Variants in PDE1A observed in about 807,000 individuals in gnomAD.
PDE1A encodes the protein phosphodiesterase 1A.
In PDE1A, 35 loss-of-function variants were observed where a neutral mutation model predicts 61.7. That is an observed-to-expected ratio of 0.57 (90% CI 0.43 to 0.75). The LOEUF (loss-of-function observed/expected upper bound fraction) is 0.75, where lower values mean the gene tolerates loss of function less well. Ranked by LOEUF, PDE1A falls within the 30% of genes least tolerant of loss-of-function variation. PDE1A has a pLI of 0.00. For synonymous variants in PDE1A, 232 were observed against 213.2 expected, an observed-to-expected ratio of 1.09 and a Z score of -0.77; for missense variants, 597 against 630.6, an observed-to-expected ratio of 0.95 and a Z score of 0.57.
intron 1 of PDE1A, among the ~76,000 whole-genome samples, chr2:182,413,891 G>C (rs920472858): frequency 6.6e-6 from 1 of 152,114 alleles, no homozygotes; most frequent in Admixed American, 6.6e-5. Context: ...AAGGGACAAG[G>C]TTTGGAGAGA....
At chr2:182,331,137 G>C (rs1264646312) in intron 1 of PDE1A, among the ~76,000 whole-genome samples, 2 of 152,174 alleles carry the variant, frequency 1.3e-5, no homozygotes, top group Non-Finnish European at 2.9e-5. Flanking sequence ...GGCATAGAGA[G>C]GCTTAGTCAC....
chr2:182,416,092 G>A (rs1702899325), intron 1 of PDE1A, among the ~76,000 whole-genome samples: 1 of 152,100 alleles, frequency 6.6e-6, no homozygotes, highest in Non-Finnish European at 1.5e-5. Flanking sequence ...TATGAAATGG[G>A]GAGCTATATG....
At chr2:182,277,523 C>A (rs1574230885) in intron 1 of PDE1A, among the ~76,000 whole-genome samples, 2 of 152,110 alleles carry the variant, frequency 1.3e-5, no homozygotes, top group Admixed American at 6.6e-5. Flanking sequence ...GAATTCTCCA[C>A]CTAGTTGGGC....
At chr2:182,506,305 G>A (rs1006355559) in intron 2 of PDE1A, among the ~76,000 whole-genome samples, 2 of 151,972 alleles carry the variant, frequency 1.3e-5, no homozygotes, top group African/African-American at 2.4e-5. Flanking sequence ...AATACCGTTT[G>A]TCTTTACAAC....
intron 13 of PDE1A, among the ~76,000 whole-genome samples, chr2:182,158,024 T>A (rs950080565): frequency 6.6e-6 from 1 of 152,184 alleles, no homozygotes; most frequent in African/African-American, 2.4e-5. Flanking sequence ...GTTATTTCTT[T>A]CTCTGCTATG....
chr2:182,386,884 C>A (rs1200810340), intron 1 of PDE1A, among the ~76,000 whole-genome samples: 1 of 152,144 alleles, frequency 6.6e-6, no homozygotes, highest in Non-Finnish European at 1.5e-5. Context: ...AGGTGAGGAG[C>A]CCCTCTGCCC....
chr2:182,648,550 G>C, the PDE1A span, among the ~76,000 whole-genome samples: 2 of 134,274 alleles, frequency 1.5e-5, no homozygotes, highest in Non-Finnish European at 3.2e-5. Flanking sequence ...AAAATTACCT[G>C]GATGTAGTGG....
chr2:182,671,484 G>C, the PDE1A span, among the ~76,000 whole-genome samples: 1 of 151,140 alleles, frequency 6.6e-6, no homozygotes, highest in African/African-American at 2.4e-5. Flanking sequence ...CACCACACCC[G>C]GCCTGGATCA....
At chr2:182,218,516 A>T (rs903568080) in intron 7 of PDE1A, among the ~76,000 whole-genome samples, 7 of 152,082 alleles carry the variant, frequency 4.6e-5, no homozygotes. Flanking sequence ...TATTTATCCC[A>T]TCTAACTGAA....
chr2:182,642,545 T>C, the PDE1A span, among the ~76,000 whole-genome samples: 1 of 152,102 alleles, frequency 6.6e-6, no homozygotes, highest in African/African-American at 2.4e-5. Context: ...CTCTGATTGG[T>C]CAGGCCTGGA....
At chr2:182,511,883 C>G (rs1394760987) in intron 2 of PDE1A, among the ~76,000 whole-genome samples, 1 of 152,176 alleles carries the variant, frequency 6.6e-6, no homozygotes, top group African/African-American at 2.4e-5. Context: ...CAGATGGGCC[C>G]CTGCCAGTGC....
the PDE1A span, among the ~76,000 whole-genome samples, chr2:182,621,183 G>C: frequency 6.6e-6 from 1 of 152,068 alleles, no homozygotes; most frequent in Non-Finnish European, 1.5e-5. Flanking sequence ...TCTATCTTGG[G>C]TTCTACAAAC....
At chr2:182,452,608 T>C (rs923054402) in intron 2 of PDE1A, among the ~76,000 whole-genome samples, 2 of 152,228 alleles carry the variant, frequency 1.3e-5, no homozygotes, top group South Asian at 4.1e-4. Context: ...TGCCACTACA[T>C]TTTACTGGAA....
At chr2:182,483,361 C>T (rs1247119773) in intron 2 of PDE1A, among the ~76,000 whole-genome samples, 3 of 151,754 alleles carry the variant, frequency 2.0e-5, no homozygotes, top group African/African-American at 7.3e-5. Context: ...CCCAACAAAG[C>T]GAAATACACA....
intron 2 of PDE1A, among the ~76,000 whole-genome samples, chr2:182,479,797 T>C (rs749945044): frequency 2.0e-5 from 3 of 151,908 alleles, no homozygotes; most frequent in Non-Finnish European, 4.4e-5. Context: ...GCATTACAAT[T>C]TCTTGCTTTT....
chr2:182,350,446 G>A (rs1035577861), intron 1 of PDE1A, among the ~76,000 whole-genome samples: 3 of 152,138 alleles, frequency 2.0e-5, no homozygotes, highest in Admixed American at 6.6e-5. Flanking sequence ...AGAATAAGCA[G>A]AAGTAGTTTC....
chr2:182,295,170 G>T (rs991224706), intron 1 of PDE1A, among the ~76,000 whole-genome samples: 1 of 134,672 alleles, frequency 7.4e-6, no homozygotes, highest in Non-Finnish European at 1.5e-5. Context: ...TGCCTCCCGA[G>T]TTCACGCCAT....
intron 2 of PDE1A, among the ~76,000 whole-genome samples, chr2:182,438,220 C>A (rs1317131609): frequency 6.6e-6 from 1 of 151,786 alleles, no homozygotes; most frequent in Non-Finnish European, 1.5e-5. Flanking sequence ...AGCATTTCAT[C>A]TTGTTAAATG....
the PDE1A span, among the ~76,000 whole-genome samples, chr2:182,589,911 GC>G: frequency 6.6e-6 from 1 of 152,102 alleles, no homozygotes; most frequent in Non-Finnish European, 1.5e-5. Flanking sequence ...ATAATAATCA[GC>G]CAGGCTTCCT....
Sources: gnomAD v4.1 joint callset for allele counts (sites outside exome capture counted in the v4.1 genomes callset) on GRCh38, gnomAD v4.1.1 for gene constraint, MANE v1.5 for transcripts, NCBI Gene and HGNC (gene_info 2026-07-23, HGNC 2026-07-21) for gene names.